TOX: variants seen among roughly 807,000 people sequenced by gnomAD.
TOX encodes the protein thymocyte selection associated high mobility group box, also known as thymocyte selection-associated high mobility group box protein TOX.
Under a neutral mutation model 53.7 loss-of-function variants are expected in TOX, and 11 were observed. The observed-to-expected ratio is 0.20, with a 90% confidence interval of 0.13 to 0.34. TOX has a LOEUF of 0.34. TOX is among the 10% of genes least tolerant of loss of function. TOX has a pLI of 1.00. For synonymous variants in TOX, 225 were observed against 245.3 expected (o/e 0.92, Z 0.77); for missense variants, 570 against 664.6 (o/e 0.86, Z 1.56).
At chr8:59,051,258 G>A (rs2129421309) in intron 1 of TOX, among the ~76,000 whole-genome samples, 1 of 152,160 alleles carries the variant, frequency 6.6e-6, no homozygotes, top group African/African-American at 2.4e-5. Context: ...TAAGGATGTG[G>A]TTTTCTTTAC....
intron 1 of TOX, among the ~76,000 whole-genome samples, chr8:59,110,399 A>G (rs1804992948): frequency 6.6e-6 from 1 of 152,180 alleles, no homozygotes; most frequent in Non-Finnish European, 1.5e-5. Flanking sequence ...CAATGGTATG[A>G]AAACACTAAT....
intron 5 of TOX, among the ~76,000 whole-genome samples, chr8:58,828,724 G>A (rs954635286): frequency 6.6e-6 from 1 of 151,396 alleles, no homozygotes; most frequent in Non-Finnish European, 1.5e-5. Flanking sequence ...ATTTTTTTTT[G>A]AGAGACAGAT....
At chr8:58,909,817 C>T (rs1407583485) in intron 3 of TOX, among the ~76,000 whole-genome samples, 3 of 152,056 alleles carry the variant, frequency 2.0e-5, no homozygotes, top group East Asian at 1.9e-4. Flanking sequence ...ATCACTACAC[C>T]CAGCTAATTT....
chr8:58,971,846 A>G (rs924535588), intron 1 of TOX, among the ~76,000 whole-genome samples: 1 of 152,144 alleles, frequency 6.6e-6, no homozygotes, highest in African/African-American at 2.4e-5. Flanking sequence ...ATGCACCACC[A>G]TTACCAACTA....
chr8:58,994,354 A>G (rs1813514138), intron 1 of TOX, among the ~76,000 whole-genome samples: 1 of 151,892 alleles, frequency 6.6e-6, no homozygotes, highest in South Asian at 2.1e-4. Flanking sequence ...CAGTAAGGTC[A>G]TATATCCCTA....
rs1418895599 is a variant in TOX at position 58,890,105 on chromosome 8, GATC to G, written c.412-38303_412-38301del. Among the ~76,000 whole-genome samples, 8 of 152,100 alleles carry G rather than the reference GATC, an allele frequency of 5.3e-5. No individual in the cohort carries two copies. The East Asian group carries it at 5.8e-4, about 11-fold the overall frequency. ...CAAAATATTTTATGTCCATAATTCTGATCATCATATTTTTTGCTCTTATTAACC... is the reference window on the plus strand; with the variant it reads ...CAAAATATTTTATGTCCATAATTCTGATCATATTTTTTGCTCTTATTAACC... On this transcript the variant is annotated intron_variant, in intron 3 of 8. Coordinates refer to ENST00000361421, the MANE Select transcript of TOX (RefSeq NM_014729.3).
At chr8:58,931,980 T>C (rs1250801591) in intron 3 of TOX, among the ~76,000 whole-genome samples, 1 of 152,186 alleles carries the variant, frequency 6.6e-6, no homozygotes, top group Admixed American at 6.5e-5. Flanking sequence ...TATTTTATTA[T>C]AGCAATAAAA....
chr8:59,087,496 AT>A (rs1804532822), intron 1 of TOX, among the ~76,000 whole-genome samples: 1 of 152,212 alleles, frequency 6.6e-6, no homozygotes, highest in African/African-American at 2.4e-5. Flanking sequence ...GTGTCTCCTA[AT>A]AATTCATAGG....
At chr8:59,023,881 C>G (rs1814185831) in intron 1 of TOX, among the ~76,000 whole-genome samples, 1 of 152,156 alleles carries the variant, frequency 6.6e-6, no homozygotes, top group Non-Finnish European at 1.5e-5. Flanking sequence ...TGAAACAGTG[C>G]TTGAACTCCC....
At chr8:58,983,221 C>T (rs937809870) in intron 1 of TOX, among the ~76,000 whole-genome samples, 17 of 152,234 alleles carry the variant, frequency 1.1e-4, no homozygotes, top group Admixed American at 9.8e-4. Flanking sequence ...AGTGCCTATA[C>T]ACACATCATT....
chr8:58,882,624 T>C (rs957225643), intron 3 of TOX, among the ~76,000 whole-genome samples: 1 of 152,196 alleles, frequency 6.6e-6, no homozygotes. Context: ...ACATAGCCAA[T>C]GTCACTATAA....
At chr8:58,863,575 C>G (rs542921751) in intron 3 of TOX, among the ~76,000 whole-genome samples, 1 of 152,206 alleles carries the variant, frequency 6.6e-6, no homozygotes, top group South Asian at 2.1e-4. Context: ...ATATCATAAC[C>G]ATGGAACTGT....
chr8:58,920,721 T>TAAAAAAAAAAAAAAAAAAAAA (rs5891703), intron 3 of TOX, among the ~76,000 whole-genome samples: 27 of 81,036 alleles, frequency 3.3e-4, no homozygotes, highest in South Asian at 5.7e-4. Flanking sequence ...AAAAAAACAT[T>TAAAAAAAAAAAAAAAAAAAAA]AAAAAAAAAA....
Position 58,896,742 on chromosome 8 carries a change from G to A in TOX, c.411+42560C>T, listed in dbSNP as rs527265944. Among the ~76,000 whole-genome samples the A allele has an allele frequency of 2.0e-3, 302 of 152,070 alleles. 2 individuals carry two copies. The highest frequency in any genetic ancestry group is 3.0e-3 in the Non-Finnish European group (205 of 67,964). Reference sequence around the variant, plus strand: ...AAAAATCCTTTTCACCTTAAGGGAGGAAATGCCATTTCAGTACTTTAGTCT... The same window carrying A: ...AAAAATCCTTTTCACCTTAAGGGAGAAAATGCCATTTCAGTACTTTAGTCT... On this transcript the variant is annotated intron_variant, in intron 3 of 8. Transcript: ENST00000361421.
At chr8:59,041,652 T>A (rs1266349986) in intron 1 of TOX, among the ~76,000 whole-genome samples, 1 of 152,222 alleles carries the variant, frequency 6.6e-6, no homozygotes, top group Non-Finnish European at 1.5e-5. Context: ...CCCCAGTGCC[T>A]TTAGCTATAA....
chr8:58,958,404 A>T (rs557606141), intron 2 of TOX, among the ~76,000 whole-genome samples: 1 of 152,232 alleles, frequency 6.6e-6, no homozygotes, highest in Non-Finnish European at 1.5e-5. Context: ...GCCATCATTT[A>T]TTGAGTTTGT....
At chr8:59,100,865 T>C (rs1205987689) in intron 1 of TOX, among the ~76,000 whole-genome samples, 1 of 152,212 alleles carries the variant, frequency 6.6e-6, no homozygotes, top group Non-Finnish European at 1.5e-5. Context: ...TTTTTTATTT[T>C]TGAATGATAC....
chr8:58,833,501 T>G (rs1810497949), intron 5 of TOX, among the ~76,000 whole-genome samples: 1 of 152,160 alleles, frequency 6.6e-6, no homozygotes, highest in African/African-American at 2.4e-5. Context: ...AACAGGAAAT[T>G]TAGCTGGAAC....
chr8:58,860,305 G>C (rs571064692), intron 3 of TOX, among the ~76,000 whole-genome samples: 1 of 152,250 alleles, frequency 6.6e-6, no homozygotes, highest in Admixed American at 6.5e-5. Flanking sequence ...GCCAGGCACT[G>C]TCTTAGGTAC....
Sources: allele counts gnomAD v4.1 joint callset (sites outside exome capture counted in the v4.1 genomes callset), GRCh38; gene constraint gnomAD v4.1.1; transcripts MANE v1.5; gene names NCBI Gene and HGNC (gene_info 2026-07-23, HGNC 2026-07-21).